CPNE8: variants seen among roughly 807,000 people sequenced by gnomAD.
CPNE8 encodes the protein copine 8, also known as copine-8.
Under a neutral mutation model 81.5 loss-of-function variants are expected in CPNE8, and 45 were observed. That is an observed-to-expected ratio of 0.55 (90% CI 0.44 to 0.71). The LOEUF is 0.71. Among genes scored for constraint, CPNE8 ranks in the 30% least tolerant of loss-of-function variants. The probability of loss-of-function intolerance (pLI) is 0.00; values close to 1 mark genes in which losing one functional copy is unlikely to be tolerated. For synonymous variants in CPNE8, 252 were observed against 226.3 expected (o/e 1.11, Z -1.02); for missense variants, 594 against 672.1 (o/e 0.88, Z 1.28).
intron 3 of CPNE8, among the ~76,000 whole-genome samples, chr12:38,850,640 C>T (rs1467812067): frequency 6.6e-6 from 1 of 152,240 alleles, no homozygotes; most frequent in East Asian, 1.9e-4. Flanking sequence ...TTGCTAAATC[C>T]AGTGGTCACT....
chr12:38,842,169 T>C lies in CPNE8; in HGVS notation c.291-2214A>G, dbSNP rs150065887. Reference sequence around the variant, plus strand: ...ATCAGCAAATTGCCAACATTTACTGTAGAACTACAGTTGCTAGTACAAAAA... The same window carrying C: ...ATCAGCAAATTGCCAACATTTACTGCAGAACTACAGTTGCTAGTACAAAAA... On this transcript the variant is annotated intron_variant, in intron 4 of 19. Coordinates refer to ENST00000331366, the MANE Select transcript of CPNE8 (RefSeq NM_153634.3). Among the ~76,000 whole-genome samples the C allele has an allele frequency of 3.1e-3, 465 of 152,274 alleles. 5 individuals carry two copies. The highest frequency in any genetic ancestry group is 0.01 in the African/African-American group (431 of 41,544).
At chr12:38,799,455 A>C (rs1942597735) in intron 6 of CPNE8, among the ~76,000 whole-genome samples, 1 of 152,208 alleles carries the variant, frequency 6.6e-6, no homozygotes, top group Non-Finnish European at 1.5e-5. Flanking sequence ...TACTGGGTAC[A>C]TAAGGAAATG....
intron 13 of CPNE8, among the ~76,000 whole-genome samples, chr12:38,707,304 ACT>A (rs894519832): frequency 5.3e-5 from 8 of 152,186 alleles, no homozygotes; most frequent in African/African-American, 1.9e-4. Flanking sequence ...ACAGAGTGAG[ACT>A]CTGTCTGTTA....
chr12:38,858,915 C>G (rs1221901212), intron 3 of CPNE8, among the ~76,000 whole-genome samples: 1 of 152,148 alleles, frequency 6.6e-6, no homozygotes, highest in South Asian at 2.1e-4. Flanking sequence ...ATTCTACAAC[C>G]TTTCTTGATG....
intron 10 of CPNE8, among the ~76,000 whole-genome samples, chr12:38,734,033 C>G (rs1940897400): frequency 6.6e-6 from 1 of 151,650 alleles, no homozygotes; most frequent in African/African-American, 2.4e-5. Flanking sequence ...TTTTTGCTCT[C>G]AAAAACATAA....
intron 17 of CPNE8, among the ~76,000 whole-genome samples, chr12:38,676,901 C>T (rs562538700): frequency 2.0e-4 from 30 of 152,242 alleles, no homozygotes; most frequent in Non-Finnish European, 3.8e-4. Flanking sequence ...TATCAAATGT[C>T]TACTTCGTGC....
At chr12:38,905,827 G>A, upstream of CPNE8, 1 of 985,318 alleles carries the variant, frequency 1.0e-6, no homozygotes, top group Non-Finnish European at 1.2e-6. Context: ...GACACACTCC[G>A]TGATCCCCTC....
At chr12:38,874,275 T>C (rs1473715595) in intron 2 of CPNE8, among the ~76,000 whole-genome samples, 196 bp downstream of exon 2, 3 of 152,184 alleles carry the variant, frequency 2.0e-5, no homozygotes, top group Non-Finnish European at 4.4e-5. Flanking sequence ...ATTTGCATTC[T>C]CATTTTATTC....
chr12:38,769,958 G>A (rs1941768086), intron 7 of CPNE8, among the ~76,000 whole-genome samples: 1 of 152,018 alleles, frequency 6.6e-6, no homozygotes, highest in Non-Finnish European at 1.5e-5. Flanking sequence ...GGGATTAAAT[G>A]GTACATTTGT....
At chr12:38,847,642 T>A (rs1043375132) in intron 4 of CPNE8, among the ~76,000 whole-genome samples, 1 of 152,170 alleles carries the variant, frequency 6.6e-6, no homozygotes, top group Non-Finnish European at 1.5e-5. Context: ...AGATCTTTTT[T>A]AAACACAAGC....
intron 1 of CPNE8, among the ~76,000 whole-genome samples, chr12:38,893,650 ATTCT>A (rs1024872827): frequency 6.6e-6 from 1 of 151,998 alleles, no homozygotes; most frequent in Non-Finnish European, 1.5e-5. Context: ...CTCACCCTAA[ATTCT>A]TTCTTTCACG....
intron 1 of CPNE8, among the ~76,000 whole-genome samples, chr12:38,901,619 G>T (rs1472692423): frequency 6.6e-6 from 1 of 152,196 alleles, no homozygotes; most frequent in Non-Finnish European, 1.5e-5. Context: ...TGCAAGAAGA[G>T]CTAGACAATG....
At chr12:38,795,728 G>A (rs1020545675) in intron 6 of CPNE8, among the ~76,000 whole-genome samples, 9 of 152,272 alleles carry the variant, frequency 5.9e-5, no homozygotes, top group Admixed American at 5.9e-4. Context: ...AGAGGAAAAG[G>A]AGTGTTGTTT....
At chr12:38,861,603 T>G (rs956774478) in intron 3 of CPNE8, among the ~76,000 whole-genome samples, 2 of 152,084 alleles carry the variant, frequency 1.3e-5, no homozygotes, top group South Asian at 4.1e-4. Flanking sequence ...AGTACATGGC[T>G]TAAAATAAAA....
chr12:38,669,783 G>A (rs1268236711), intron 19 of CPNE8, among the ~76,000 whole-genome samples: 2 of 152,182 alleles, frequency 1.3e-5, no homozygotes, highest in Non-Finnish European at 1.5e-5. Context: ...AAAACAGTGG[G>A]CCTTGGTAAG....
At chr12:38,798,499 T>A (rs1942563085) in intron 6 of CPNE8, among the ~76,000 whole-genome samples, 1 of 151,932 alleles carries the variant, frequency 6.6e-6, no homozygotes, top group East Asian at 1.9e-4. Context: ...AAGCAAATGC[T>A]GAGAGATGTT....
At chr12:38,886,585 A>C (rs113363481) in intron 1 of CPNE8, among the ~76,000 whole-genome samples, 353 of 152,310 alleles carry the variant, frequency 2.3e-3, no homozygotes, top group Middle Eastern at 6.8e-3. Context: ...AGAGTAGTGT[A>C]TGGGAATAGT....
chr12:38,684,535 T>G (rs892812525), intron 16 of CPNE8, among the ~76,000 whole-genome samples: 1 of 152,090 alleles, frequency 6.6e-6, no homozygotes, highest in Admixed American at 6.6e-5. Context: ...CAACCTGAGT[T>G]GGAGTTCCAC....
chr12:38,883,865 A>C (rs1249050730), intron 1 of CPNE8, among the ~76,000 whole-genome samples: 5 of 152,190 alleles, frequency 3.3e-5, no homozygotes, highest in African/African-American at 1.2e-4. Flanking sequence ...GACAGTGTCT[A>C]ACTTTCTGGT....
Sources: gnomAD v4.1 joint callset for allele counts (sites outside exome capture counted in the v4.1 genomes callset) on GRCh38, gnomAD v4.1.1 for gene constraint, MANE v1.5 for transcripts, NCBI Gene and HGNC (gene_info 2026-07-23, HGNC 2026-07-21) for gene names.